The following CTNNA2 variants were observed in gnomAD, a reference collection of about 807,000 sequenced individuals.
CTNNA2 encodes catenin alpha 2, also known as catenin alpha-2.
In CTNNA2, 42 loss-of-function variants were observed where a neutral mutation model predicts 101.0. That is an observed-to-expected ratio of 0.42 (90% CI 0.32 to 0.54). CTNNA2 has a LOEUF of 0.54. CTNNA2 is among the 20% of genes least tolerant of loss of function. The pLI is 0.14. For synonymous variants in CTNNA2, 450 were observed against 456.4 expected (o/e 0.99, Z 0.18); for missense variants, 871 against 1,223.1 (o/e 0.71, Z 4.29).
chr2:79,658,689 T>A (rs1207473134), intron 2 of CTNNA2, among the ~76,000 whole-genome samples: 1 of 151,956 alleles, frequency 6.6e-6, no homozygotes, highest in African/African-American at 2.4e-5. Flanking sequence ...TTCTTTTTTT[T>A]TAATAGAAGA....
intron 2 of CTNNA2, among the ~76,000 whole-genome samples, chr2:79,232,724 C>T (rs796072920): frequency 1.6e-4 from 25 of 152,210 alleles, no homozygotes; most frequent in African/African-American, 4.3e-4. Context: ...GAACTTGTTA[C>T]GGGTCTTTTC....
chr2:79,393,068 C>T (rs1678192457), intron 4 of CTNNA2, among the ~76,000 whole-genome samples: 1 of 152,084 alleles, frequency 6.6e-6, no homozygotes. Flanking sequence ...AGGATATGAT[C>T]AAAACTTGGG....
chr2:79,744,103 T>G (rs1275991401), intron 2 of CTNNA2, among the ~76,000 whole-genome samples: 1 of 152,108 alleles, frequency 6.6e-6, no homozygotes, highest in Non-Finnish European at 1.5e-5. Context: ...TAAAAGTGAG[T>G]GAACTTGAAG....
At chr2:79,957,054 T>C (rs914995879) in intron 7 of CTNNA2, among the ~76,000 whole-genome samples, 1 of 151,954 alleles carries the variant, frequency 6.6e-6, no homozygotes, top group African/African-American at 2.4e-5. Flanking sequence ...TCCTCTTCTG[T>C]AACTTCAGTG....
chr2:79,219,088 C>T (rs994958600), intron 2 of CTNNA2, among the ~76,000 whole-genome samples: 6 of 152,100 alleles, frequency 3.9e-5, no homozygotes, highest in African/African-American at 7.2e-5. Context: ...CATATGTAAA[C>T]GCCTTTACTT....
intron 7 of CTNNA2, among the ~76,000 whole-genome samples, chr2:79,931,837 T>C (rs1034881078): frequency 4.6e-5 from 7 of 152,302 alleles, no homozygotes; most frequent in Admixed American, 3.9e-4. Flanking sequence ...ACAAGGCTCC[T>C]AATCCAAACA....
intron 4 of CTNNA2, among the ~76,000 whole-genome samples, chr2:79,434,479 C>T (rs1678692589): frequency 6.6e-6 from 1 of 152,086 alleles, no homozygotes; most frequent in South Asian, 2.1e-4. Context: ...AGGATGAAGT[C>T]CAAGCTCCCT....
At chr2:80,360,131 T>C (rs1674257827) in intron 7 of CTNNA2, among the ~76,000 whole-genome samples, 1 of 152,138 alleles carries the variant, frequency 6.6e-6, no homozygotes, top group African/African-American at 2.4e-5. Context: ...AATTTTCTTA[T>C]TGTTTTGAAG....
At chr2:80,213,806 C>A (rs1211014051) in intron 7 of CTNNA2, among the ~76,000 whole-genome samples, 1 of 152,146 alleles carries the variant, frequency 6.6e-6, no homozygotes, top group Non-Finnish European at 1.5e-5. Flanking sequence ...CTAATGTTGA[C>A]AGTGGGGTGT....
intron 7 of CTNNA2, among the ~76,000 whole-genome samples, chr2:79,912,048 C>A (rs1008560607): frequency 6.6e-6 from 1 of 152,196 alleles, no homozygotes; most frequent in Non-Finnish European, 1.5e-5. Context: ...CTTTCTCTTT[C>A]AATTTCATAA....
intron 7 of CTNNA2, among the ~76,000 whole-genome samples, chr2:80,193,560 G>T (rs1362903882): frequency 6.6e-6 from 1 of 152,204 alleles, no homozygotes; most frequent in Non-Finnish European, 1.5e-5. Context: ...TAAGAAAAGA[G>T]ATGGGATTCA....
Position 79,481,436 on chromosome 2 carries a change from A to G in CTNNA2, c.-134-23618A>G, listed in dbSNP as rs543633090. Among the ~76,000 whole-genome samples, 3 of 152,250 alleles carry G rather than the reference A, an allele frequency of 2.0e-5. No individual in the cohort carries two copies. The East Asian group carries it at 5.8e-4, about 29-fold the overall frequency. ...GTCATGATCAGGTGTGCTGAGACAGAGAAGAGAGTATGGGAAGAGTCTCTT... is the reference window on the plus strand; with the variant it reads ...GTCATGATCAGGTGTGCTGAGACAGGGAAGAGAGTATGGGAAGAGTCTCTT... On this transcript the variant is annotated intron_variant, in intron 4 of 21. Coordinates refer to the CTNNA2 transcript ENST00000466387.
At chr2:79,984,669 G>A (rs72920899) in intron 7 of CTNNA2, among the ~76,000 whole-genome samples, 5,563 of 152,190 alleles carry the variant, frequency 0.037, 323 homozygotes, top group African/African-American at 0.13. Flanking sequence ...GGGCAGAGGG[G>A]CACTGTACAG....
intron 7 of CTNNA2, among the ~76,000 whole-genome samples, chr2:80,151,030 G>A (rs1383556127): frequency 6.6e-6 from 1 of 152,094 alleles, no homozygotes. Flanking sequence ...CCATCCCTGG[G>A]CAAAAATGAA....
chr2:79,909,830 G>A, intron 7 of CTNNA2, 33 bp downstream of exon 7: 2 of 1,564,702 alleles, frequency 1.3e-6, no homozygotes, highest in Non-Finnish European at 8.7e-7. Context: ...TCATGTCTTG[G>A]TGGATTCTGT....
At chr2:79,909,168 C>G (rs993671000) in intron 6 of CTNNA2, among the ~76,000 whole-genome samples, 8 of 151,682 alleles carry the variant, frequency 5.3e-5, no homozygotes, top group South Asian at 2.1e-4. Flanking sequence ...GGAGGATTAA[C>G]GTGTGTGTAT....
chr2:79,646,085 T>C (rs1383294645), intron 1 of CTNNA2, among the ~76,000 whole-genome samples: 1 of 152,234 alleles, frequency 6.6e-6, no homozygotes, highest in African/African-American at 2.4e-5. Context: ...GAAAGCATCC[T>C]GGGCTATTGT....
rs113646647 is a variant in CTNNA2, at chr2:79,211,504, T to C, written c.-406+13428T>C. Reference sequence around the variant, plus strand: ...TAAGATTTGGGTAGGTAAAGGAAAATTACAGTCAAAGGGGGGTTGTTCTCT... The same window carrying C: ...TAAGATTTGGGTAGGTAAAGGAAAACTACAGTCAAAGGGGGGTTGTTCTCT... On this transcript the variant is annotated intron_variant, in intron 2 of 21. Coordinates refer to the CTNNA2 transcript ENST00000466387. Among the ~76,000 whole-genome samples the C allele has an allele frequency of 7.3e-3, 1,108 of 151,674 alleles. 10 individuals are homozygous for C. The highest frequency in any genetic ancestry group is 0.025 in the African/African-American group (1,039 of 41,352).
intron 9 of CTNNA2, among the ~76,000 whole-genome samples, chr2:80,424,952 T>C (rs1680865485): frequency 6.6e-6 from 1 of 152,206 alleles, no homozygotes; most frequent in Non-Finnish European, 1.5e-5. Flanking sequence ...GGGGCTGTGC[T>C]CAGCTCCATT....
Sources: gnomAD v4.1 joint callset for allele counts (sites outside exome capture counted in the v4.1 genomes callset) on GRCh38, gnomAD v4.1.1 for gene constraint, MANE v1.5 for transcripts, NCBI Gene and HGNC (gene_info 2026-07-23, HGNC 2026-07-21) for gene names.